Variants in LOC400499 observed in about 807,000 individuals in gnomAD.
the LOC400499 span, among the ~76,000 whole-genome samples, chr16:11,446,167 G>C: frequency 2.4e-3 from 370 of 151,560 alleles, 3 homozygotes; most frequent in Non-Finnish European, 3.2e-3. Context: ...CGGGGGAGTG[G>C]TGTCTGAGTC....
the LOC400499 span, among the ~76,000 whole-genome samples, chr16:11,383,306 A>G: frequency 6.6e-6 from 1 of 152,124 alleles, no homozygotes; most frequent in East Asian, 1.9e-4. Flanking sequence ...TGACCTCGTG[A>G]TGCACCCACC....
chr16:11,416,965 G>A, the LOC400499 span, among the ~76,000 whole-genome samples: 9 of 152,058 alleles, frequency 5.9e-5, no homozygotes, highest in African/African-American at 1.9e-4. Flanking sequence ...TGATCGGGAC[G>A]GCTGTACTGT....
chr16:11,509,571 C>T, the LOC400499 span, among the ~76,000 whole-genome samples: 29 of 151,822 alleles, frequency 1.9e-4, no homozygotes, highest in Non-Finnish European at 1.9e-4. Context: ...AGGCTCATGC[C>T]TGTAATCCCA....
At chr16:11,387,407 G>A in the LOC400499 span, 6 of 903,046 alleles carry the variant, frequency 6.6e-6, no homozygotes, top group Middle Eastern at 3.9e-4. Context: ...AGAGCATGAG[G>A]GTGCCTTTCA....
the LOC400499 span, among the ~76,000 whole-genome samples, chr16:11,461,567 AAG>A: frequency 6.6e-6 from 1 of 152,202 alleles, no homozygotes; most frequent in African/African-American, 2.4e-5. Context: ...CAGAAGAGAA[AAG>A]AAAGAATAGC....
the LOC400499 span, among the ~76,000 whole-genome samples, chr16:11,427,469 G>C: frequency 6.6e-6 from 1 of 151,560 alleles, no homozygotes; most frequent in Non-Finnish European, 1.5e-5. Context: ...TTTTGAGACA[G>C]GGTCTCATTC....
chr16:11,387,504 G>T, the LOC400499 span, among the ~76,000 whole-genome samples: 2 of 152,198 alleles, frequency 1.3e-5, no homozygotes, highest in Admixed American at 1.3e-4. Context: ...GTAGATGATG[G>T]CTGGGGACAG....
At chr16:11,504,247 A>G in the LOC400499 span, among the ~76,000 whole-genome samples, 60 of 152,298 alleles carry the variant, frequency 3.9e-4, no homozygotes, top group African/African-American at 1.4e-3. Context: ...AAAGGGTCCA[A>G]GGCTCCTGCC....
chr16:11,399,224 C>G, the LOC400499 span: 1 of 985,380 alleles, frequency 1.0e-6, no homozygotes, highest in South Asian at 4.7e-5. Context: ...CACCTTCTTC[C>G]CCATCTGTTC....
At chr16:11,515,716 A>AAGGAGGAAGAAAAGGGAGG in the LOC400499 span, among the ~76,000 whole-genome samples, 2 of 87,094 alleles carry the variant, frequency 2.3e-5, no homozygotes, top group Non-Finnish European at 5.0e-5. Flanking sequence ...AGGGAGGAGG[A>AAGGAGGAAGAAAAGGGAGG]AGGAGGAGGA....
At chr16:11,396,443 C>T in the LOC400499 span, 50 of 1,226,490 alleles carry the variant, frequency 4.1e-5, no homozygotes, top group East Asian at 6.3e-5. Context: ...GCCTGCTGGC[C>T]AGGGAGGAAC....
chr16:11,379,931 G>GC, the LOC400499 span, among the ~76,000 whole-genome samples: 2 of 152,028 alleles, frequency 1.3e-5, no homozygotes, highest in African/African-American at 4.8e-5. Context: ...TGACAGCTCT[G>GC]TCCCCCTCCT....
At chr16:11,383,704 G>T in the LOC400499 span, 1 of 1,232,472 alleles carries the variant, frequency 8.1e-7, no homozygotes, top group Non-Finnish European at 1.0e-6. Flanking sequence ...GTAGGCGGCC[G>T]CCAGGTTGCA....
At chr16:11,456,584 A>G in the LOC400499 span, among the ~76,000 whole-genome samples, 1 of 152,114 alleles carries the variant, frequency 6.6e-6, no homozygotes, top group South Asian at 2.1e-4. Flanking sequence ...ATTAAAGATA[A>G]GGTTTTCGTT....
the LOC400499 span, among the ~76,000 whole-genome samples, chr16:11,519,373 G>A: frequency 3.3e-5 from 5 of 152,110 alleles, no homozygotes; most frequent in African/African-American, 7.2e-5. Context: ...AGGGTGGGGA[G>A]GGGGTTGCAA....
chr16:11,378,277 G>T, the LOC400499 span, among the ~76,000 whole-genome samples: 1 of 48,916 alleles, frequency 2.0e-5, no homozygotes, highest in Non-Finnish European at 6.4e-5. Flanking sequence ...GCCGGGGGGA[G>T]GGGGGAGGTG....
the LOC400499 span, among the ~76,000 whole-genome samples, chr16:11,383,374 C>A: frequency 3.3e-5 from 5 of 152,152 alleles, no homozygotes; most frequent in African/African-American, 1.2e-4. Context: ...GCCTTGCCAG[C>A]TTCTTTTTAA....
At chr16:11,397,562 C>T in the LOC400499 span, among the ~76,000 whole-genome samples, 2 of 152,050 alleles carry the variant, frequency 1.3e-5, no homozygotes, top group African/African-American at 2.4e-5. Flanking sequence ...CGTGAGCCAC[C>T]GCACCCGGCT....
At chr16:11,507,090 GC>G in the LOC400499 span, among the ~76,000 whole-genome samples, 1 of 147,776 alleles carries the variant, frequency 6.8e-6, no homozygotes, top group Non-Finnish European at 1.5e-5. Flanking sequence ...CACAGCCCTT[GC>G]CCTGAGCCAC....
Sources: allele counts gnomAD v4.1 joint callset (sites outside exome capture counted in the v4.1 genomes callset), GRCh38; gene constraint gnomAD v4.1.1; transcripts MANE v1.5.